ADGB: variants seen among roughly 807,000 people sequenced by gnomAD.
ADGB encodes the protein androglobin.
ADGB carries 172 observed loss-of-function variants against 210.5 expected under a neutral mutation model. The observed-to-expected ratio is 0.82, with a 90% confidence interval of 0.72 to 0.93. ADGB has a LOEUF of 0.93. Among genes scored for constraint, ADGB ranks in the 40% least tolerant of loss-of-function variants. The pLI, the probability that ADGB is intolerant of heterozygous loss-of-function variation, is 0.00. For synonymous variants in ADGB, 658 were observed against 662.7 expected (o/e 0.99, Z 0.11); for missense variants, 2,025 against 1,964.8 (o/e 1.03, Z -0.58).
At chr6:146,752,995 T>G (rs1391473315) in intron 27 of ADGB, among the ~76,000 whole-genome samples, 1 of 151,880 alleles carries the variant, frequency 6.6e-6, no homozygotes, top group African/African-American at 2.4e-5. Context: ...AAAGAATATT[T>G]TTACTTTTTT....
intron 30 of ADGB, among the ~76,000 whole-genome samples, chr6:146,783,330 A>C (rs1336561477): frequency 6.6e-6 from 1 of 152,140 alleles, no homozygotes; most frequent in Non-Finnish European, 1.5e-5. Context: ...TTGTTGTTTC[A>C]GACTCCAGGA....
In ADGB at chr6:146,741,108, G is replaced by T; in HGVS notation, c.3024-10G>T. The T allele has an allele frequency of 6.7e-7, 1 of 1,501,666 alleles. No individual in the cohort carries two copies. The highest frequency in any genetic ancestry group is 8.9e-7 in the Non-Finnish European group (1 of 1,124,918). The allele number at this position is 1,501,666 out of a possible 1,614,324, so 93.0% of individuals were successfully genotyped here. ...ACATCAAGGGAAAGTTCATGCTTTTGTAATTACAGAGAAACATTTTTGGTT... is the reference window on the plus strand; with the variant it reads ...ACATCAAGGGAAAGTTCATGCTTTTTTAATTACAGAGAAACATTTTTGGTT... On this transcript the variant is annotated splice_polypyrimidine_tract_variant and intron_variant, in intron 24 of 35. Transcript: ENST00000397944.
chr6:146,711,865 C>T (rs1003453233), intron 13 of ADGB, among the ~76,000 whole-genome samples: 4 of 151,560 alleles, frequency 2.6e-5, no homozygotes, highest in Admixed American at 2.6e-4. Context: ...CCCATCTCTA[C>T]AAAAACAAAC....
At chr6:146,794,217 T>G (rs201279406) in intron 33 of ADGB, among the ~76,000 whole-genome samples, 1 of 152,152 alleles carries the variant, frequency 6.6e-6, no homozygotes, top group Non-Finnish European at 1.5e-5. Flanking sequence ...TAGGTTGAAG[T>G]TCCACATAAG....
intron 1 of ADGB, among the ~76,000 whole-genome samples, chr6:146,618,207 T>A (rs1004328589): frequency 5.9e-5 from 9 of 151,896 alleles, no homozygotes; most frequent in African/African-American, 9.7e-5. Context: ...ATCCTTTGTA[T>A]TTTTGTAGTT....
At chr6:146,735,397 G>A (rs1462980342) in intron 22 of ADGB, among the ~76,000 whole-genome samples, 1 of 151,794 alleles carries the variant, frequency 6.6e-6, no homozygotes, top group African/African-American at 2.4e-5. Flanking sequence ...ATTCATGAAA[G>A]AGAGAGAGAG....
At chr6:146,637,034 A>G (rs1290630509) in intron 2 of ADGB, among the ~76,000 whole-genome samples, 3 of 151,938 alleles carry the variant, frequency 2.0e-5, no homozygotes, top group Admixed American at 1.3e-4. Flanking sequence ...AATTGTGAAT[A>G]TATTATGCAG....
chr6:146,813,216 T>A (rs139771772), intron 35 of ADGB, among the ~76,000 whole-genome samples: 2,102 of 152,278 alleles, frequency 0.014, 103 homozygotes, highest in Admixed American at 0.1. Context: ...GACCCTTTGG[T>A]CTCAACATTC....
At chr6:146,767,791 G>A (rs1326973499) in intron 28 of ADGB, among the ~76,000 whole-genome samples, 2 of 152,138 alleles carry the variant, frequency 1.3e-5, no homozygotes, top group African/African-American at 4.8e-5. Context: ...AGGACAGGAA[G>A]CTTAAGTGAC....
intron 30 of ADGB, among the ~76,000 whole-genome samples, chr6:146,783,440 C>G (rs1381551092): frequency 1.3e-5 from 2 of 152,148 alleles, no homozygotes; most frequent in Non-Finnish European, 2.9e-5. Context: ...AAGAAGACCT[C>G]CCTTAGTACC....
chr6:146,639,377 A>G (rs972733444), intron 2 of ADGB: 2 of 152,038 alleles, frequency 1.3e-5, no homozygotes, highest in Non-Finnish European at 2.9e-5. Context: ...AACATACCTC[A>G]AAATAAAAAG....
intron 23 of ADGB, among the ~76,000 whole-genome samples, chr6:146,737,516 G>T (rs1224420970): frequency 6.6e-6 from 1 of 152,128 alleles, no homozygotes; most frequent in African/African-American, 2.4e-5. Context: ...ACTGATAAAA[G>T]ACATCAATTT....
intron 10 of ADGB, among the ~76,000 whole-genome samples, chr6:146,687,029 T>C (rs1424136578): frequency 6.6e-6 from 1 of 152,156 alleles, no homozygotes; most frequent in East Asian, 1.9e-4. Context: ...CCATTCTTTC[T>C]TCTCCACTTT....
At chr6:146,604,581 A>G (rs1780606393) in intron 1 of ADGB, among the ~76,000 whole-genome samples, 1 of 151,978 alleles carries the variant, frequency 6.6e-6, no homozygotes, top group Admixed American at 6.5e-5. Context: ...AAAAAAAAAG[A>G]TCAACTTCAG....
At chr6:146,759,434 T>G (rs1562294144) in intron 27 of ADGB, among the ~76,000 whole-genome samples, 3 of 151,836 alleles carry the variant, frequency 2.0e-5, no homozygotes, top group African/African-American at 2.4e-5. Context: ...TTTTAAAATT[T>G]GTAATTTGGG....
intron 27 of ADGB, among the ~76,000 whole-genome samples, chr6:146,755,425 G>A (rs1304543166): frequency 3.9e-5 from 6 of 152,108 alleles, no homozygotes; most frequent in East Asian, 1.9e-4. Context: ...TGCTATTTTC[G>A]GGATAGTAAG....
At chr6:146,736,436 G>C (rs933389229) in intron 22 of ADGB, 62 bp from the exon 23 acceptor site, 207 of 1,086,384 alleles carry the variant, frequency 1.9e-4, no homozygotes, top group Non-Finnish European at 2.6e-4. Flanking sequence ...GAAGGCTTTG[G>C]ACAAGATGAT....
intron 22 of ADGB, among the ~76,000 whole-genome samples, chr6:146,735,750 A>G (rs1777070572): frequency 6.6e-6 from 1 of 152,194 alleles, no homozygotes; most frequent in Non-Finnish European, 1.5e-5. Context: ...TTTGTGTTCA[A>G]CTATTCAAAA....
At chr6:146,715,343 G>A (rs1166891540) in intron 13 of ADGB, 39 bp from the exon 14 acceptor site, 1 of 1,458,486 alleles carries the variant, frequency 6.9e-7, no homozygotes, top group Middle Eastern at 1.8e-4. Context: ...TAGCTGTAAT[G>A]TTTTGTTGGA....
Sources: allele counts gnomAD v4.1 joint callset (sites outside exome capture counted in the v4.1 genomes callset), GRCh38; gene constraint gnomAD v4.1.1; transcripts MANE v1.5; gene names NCBI Gene and HGNC (gene_info 2026-07-23, HGNC 2026-07-21).